SPAG16: variants seen among roughly 807,000 people sequenced by gnomAD.
SPAG16 encodes the protein sperm-associated antigen 16 protein.
A neutral mutation model predicts 80.4 loss-of-function variants in SPAG16; 86 were observed. The observed-to-expected ratio is 1.07, with a 90% confidence interval of 0.90 to 1.28. The LOEUF (loss-of-function observed/expected upper bound fraction) is 1.28, where lower values mean the gene tolerates loss of function less well. Ranked by LOEUF, SPAG16 falls within the 50% of genes most tolerant of loss-of-function variation. The pLI is 0.00. For synonymous variants in SPAG16, 294 were observed against 265.9 expected, an observed-to-expected ratio of 1.11 and a Z score of -1.03; for missense variants, 870 against 765.3, an observed-to-expected ratio of 1.14 and a Z score of -1.61.
chr2:213,708,127 A>T (rs2065836475), intron 10 of SPAG16, among the ~76,000 whole-genome samples: 1 of 152,182 alleles, frequency 6.6e-6, no homozygotes, highest in Non-Finnish European at 1.5e-5. Context: ...ATGCCTACAT[A>T]TTATTTTCCA....
At chr2:213,944,124 C>A (rs936862103) in intron 12 of SPAG16, among the ~76,000 whole-genome samples, 1 of 152,176 alleles carries the variant, frequency 6.6e-6, no homozygotes, top group African/African-American at 2.4e-5. Flanking sequence ...CTTTAAAGGG[C>A]AAGACCAATA....
chr2:214,037,558 A>T (rs758627403), intron 13 of SPAG16, among the ~76,000 whole-genome samples: 1 of 151,984 alleles, frequency 6.6e-6, no homozygotes, highest in Non-Finnish European at 1.5e-5. Context: ...GTTTTGCAGG[A>T]CTTCTATATC....
At chr2:213,319,411 T>C (rs2063527745) in intron 5 of SPAG16, among the ~76,000 whole-genome samples, 1 of 151,976 alleles carries the variant, frequency 6.6e-6, no homozygotes, top group Admixed American at 6.6e-5. Flanking sequence ...ATAAATTTTG[T>C]ATTGTCTATG....
At chr2:213,879,159 T>G (rs1575438521) in intron 11 of SPAG16, among the ~76,000 whole-genome samples, 1 of 151,792 alleles carries the variant, frequency 6.6e-6, no homozygotes, top group Non-Finnish European at 1.5e-5. Context: ...ATATGAATTT[T>G]AGGATTTTTT....
At chr2:213,956,034 TGCAATCTCC>T (rs1466456469) in intron 12 of SPAG16, among the ~76,000 whole-genome samples, 1 of 152,070 alleles carries the variant, frequency 6.6e-6, no homozygotes. Flanking sequence ...CTCGGCTCAC[TGCAATCTCC>T]GCCTCCCAGG....
chr2:213,292,216 C>T (rs541809640), intron 1 of SPAG16, among the ~76,000 whole-genome samples: 1 of 152,222 alleles, frequency 6.6e-6, no homozygotes, highest in South Asian at 2.1e-4. Flanking sequence ...ATGATGTGAA[C>T]ATGGTGAAGG....
intron 9 of SPAG16, among the ~76,000 whole-genome samples, chr2:213,487,174 C>A (rs1036981224): frequency 9.9e-5 from 15 of 151,902 alleles, no homozygotes; most frequent in African/African-American, 3.6e-4. Flanking sequence ...AGTGCCAGAG[C>A]CTTACTCTCA....
chr2:214,012,278 A>ATT (rs1559689715), intron 12 of SPAG16, among the ~76,000 whole-genome samples: 69 of 45,030 alleles, frequency 1.5e-3, no homozygotes, highest in African/African-American at 6.5e-3. Context: ...ATATATATAT[A>ATT]TATATATATA....
At chr2:214,198,370 G>A (rs1215428489) in intron 15 of SPAG16, among the ~76,000 whole-genome samples, 6 of 151,938 alleles carry the variant, frequency 3.9e-5, no homozygotes, top group Non-Finnish European at 7.4e-5. Context: ...CCATTCCTGA[G>A]TTAGTTACTT....
Position 214,142,127 on chromosome 2 carries a change from T to C in SPAG16, c.1594-7013T>C, listed in dbSNP as rs1005270623. 3.3e-5 allele frequency among the ~76,000 whole-genome samples: 5 copies of C among 152,164 alleles called. No individual in the cohort carries two copies. The South Asian group carries it at 1.0e-3, about 32-fold the overall frequency. On this transcript the variant is annotated intron_variant, in intron 14 of 15. Transcript: ENST00000331683. ...TAGCTAAATTTTCCAGATTGTGATA[T>C]TCCAATCCACTCACTTTCTTTTCAA...
At chr2:214,356,171 C>T (rs1410207850) in intron 15 of SPAG16, among the ~76,000 whole-genome samples, 2 of 148,988 alleles carry the variant, frequency 1.3e-5, no homozygotes, top group African/African-American at 2.5e-5. Context: ...CACATGTAAC[C>T]TAAAACTTTA....
At chr2:214,235,668 C>T (rs1261661377) in intron 15 of SPAG16, among the ~76,000 whole-genome samples, 2 of 151,984 alleles carry the variant, frequency 1.3e-5, no homozygotes, top group Admixed American at 1.3e-4. Flanking sequence ...CTGTGGTCGC[C>T]AAGGTTTTTT....
At chr2:214,069,135 T>G (rs987489210) in intron 13 of SPAG16, among the ~76,000 whole-genome samples, 1 of 152,198 alleles carries the variant, frequency 6.6e-6, no homozygotes, top group Non-Finnish European at 1.5e-5. Flanking sequence ...CTACATAAGA[T>G]AAAATGCAAA....
chr2:213,701,242 A>T (rs545035267), intron 10 of SPAG16, among the ~76,000 whole-genome samples: 42 of 151,416 alleles, frequency 2.8e-4, no homozygotes, highest in African/African-American at 8.0e-4. Flanking sequence ...TCCATCTAAA[A>T]AAATAAATAA....
At chr2:214,052,398 G>A (rs528025210) in intron 13 of SPAG16, among the ~76,000 whole-genome samples, 31 of 152,148 alleles carry the variant, frequency 2.0e-4, no homozygotes, top group East Asian at 3.8e-4. Context: ...AACTCAGAGC[G>A]CAGCACAGAG....
At chr2:214,219,463 A>G (rs1288341569) in intron 15 of SPAG16, among the ~76,000 whole-genome samples, 1 of 152,306 alleles carries the variant, frequency 6.6e-6, no homozygotes, top group East Asian at 1.9e-4. Flanking sequence ...ACTATCATCT[A>G]TGAAGGACTG....
chr2:214,309,885 G>A (rs775445859), intron 15 of SPAG16, among the ~76,000 whole-genome samples: 6 of 152,234 alleles, frequency 3.9e-5, no homozygotes, highest in Non-Finnish European at 7.3e-5. Context: ...TGGGACAGCA[G>A]GTTGTGGGGT....
chr2:214,067,933 ATG>A (rs1178883627), intron 13 of SPAG16, among the ~76,000 whole-genome samples: 2 of 152,164 alleles, frequency 1.3e-5, no homozygotes, highest in East Asian at 1.9e-4. Flanking sequence ...ATAAAAAATA[ATG>A]TGTTACTTTG....
At chr2:213,918,348 A>G (rs981405436) in intron 11 of SPAG16, among the ~76,000 whole-genome samples, 1 of 152,060 alleles carries the variant, frequency 6.6e-6, no homozygotes, top group African/African-American at 2.4e-5. Flanking sequence ...GAGTGATAGG[A>G]GCTCTTCATT....
Sources: allele counts gnomAD v4.1 joint callset (sites outside exome capture counted in the v4.1 genomes callset), GRCh38; gene constraint gnomAD v4.1.1; transcripts MANE v1.5; gene names NCBI Gene and HGNC (gene_info 2026-07-23, HGNC 2026-07-21).